Variants in PTPRT observed in about 807,000 individuals in gnomAD.
The protein encoded by PTPRT is receptor-type tyrosine-protein phosphatase T.
PTPRT carries 56 observed loss-of-function variants against 176.8 expected under a neutral mutation model. The observed-to-expected ratio is 0.32, with a 90% CI of 0.26 to 0.40. The LOEUF (loss-of-function observed/expected upper bound fraction) is 0.40, where lower values mean the gene tolerates loss of function less well. Ranked by LOEUF, PTPRT falls within the 10% of genes least tolerant of loss-of-function variation. PTPRT has a pLI of 1.00. For missense variants in PTPRT, 1,540 were observed against 1,908.2 expected (o/e 0.81, Z 3.60); for synonymous variants, 783 against 739.0 (o/e 1.06, Z -0.96).
intron 1 of PTPRT, among the ~76,000 whole-genome samples, chr20:43,149,193 G>A (rs891821249): frequency 6.6e-6 from 1 of 152,108 alleles, no homozygotes; most frequent in Non-Finnish European, 1.5e-5. Flanking sequence ...CCTTTGTGAA[G>A]AAAATGATTT....
chr20:43,028,690 C>T (rs572394136), intron 1 of PTPRT, among the ~76,000 whole-genome samples: 2 of 152,234 alleles, frequency 1.3e-5, no homozygotes, highest in East Asian at 1.9e-4. Context: ...CCTGGGCATC[C>T]GATAGCCTAA....
At chr20:42,072,144 T>C (rs1235016944), downstream of PTPRT, among the ~76,000 whole-genome samples, 1 of 152,184 alleles carries the variant, frequency 6.6e-6, no homozygotes, top group Non-Finnish European at 1.5e-5. Flanking sequence ...CCTGCTATTA[T>C]CATGAGGAGC....
intron 1 of PTPRT, among the ~76,000 whole-genome samples, chr20:42,912,158 C>T (rs1031030445): frequency 6.6e-6 from 1 of 152,106 alleles, no homozygotes; most frequent in Admixed American, 6.6e-5. Context: ...TTGCAATTAA[C>T]ACTACTATCT....
intron 6 of PTPRT, among the ~76,000 whole-genome samples, chr20:42,732,509 T>C (rs1019256607): frequency 1.3e-5 from 2 of 152,206 alleles, no homozygotes; most frequent in African/African-American, 4.8e-5. Context: ...GGGGAAGCTG[T>C]AGAAGTCTTC....
chr20:42,107,053 T>C (rs1318259321), intron 23 of PTPRT, 132 bp from the exon 24 acceptor site: 6 of 1,172,024 alleles, frequency 5.1e-6, no homozygotes, highest in South Asian at 1.7e-5. Flanking sequence ...ACATTTCCTT[T>C]CTTAATATGT....
rs867981860 is a variant in PTPRT at position 42,580,624 on chromosome 20, T to C, written c.1153+97242A>G. ...CTCCTTGAAGAGGTCCTTCACATCC[T>C]TTGTAAGTTGGATTCCTAGGTATTT... On this transcript the variant is annotated intron_variant, in intron 7 of 30. Transcript: ENST00000373187. Among the ~76,000 whole-genome samples, 1,404 of 151,704 alleles carry C rather than the reference T, an allele frequency of 9.3e-3. 14 individuals are homozygous for C. Among genetic ancestry groups the C allele is most frequent in the Middle Eastern group, 0.024 (7 of 294 alleles).
rs879318852 is a variant in PTPRT at position 42,073,304 on chromosome 20, A to G, written c.*7575T>C. 1.1e-5 allele frequency: 2 copies of G among 188,622 alleles called. No individual in the cohort carries two copies. Among genetic ancestry groups the G allele is most frequent in the African/African-American group, 2.3e-5 (1 of 42,846 alleles). The allele number at this position is 188,622 out of a possible 1,614,324, so 11.7% of individuals were successfully genotyped here. A position where few individuals can be genotyped will look rare whatever the true frequency, so the allele number is the denominator to read the frequency against. On this transcript the variant is annotated 3_prime_UTR_variant, in exon 31 of 31. Coordinates refer to ENST00000373187, the MANE Select transcript of PTPRT (RefSeq NM_007050.6). ...TGTAGGGTGAAAAGTGCTTTTGAGTATGATTACCAATATGGGTTAACCCGG... is the reference window on the plus strand; with the variant it reads ...TGTAGGGTGAAAAGTGCTTTTGAGTGTGATTACCAATATGGGTTAACCCGG...
intron 5 of PTPRT, among the ~76,000 whole-genome samples, chr20:42,766,394 C>T (rs1468343127): frequency 1.3e-5 from 2 of 152,204 alleles, no homozygotes; most frequent in East Asian, 3.9e-4. Context: ...TTCTATCATC[C>T]TTTTCCCTGA....
intron 9 of PTPRT, among the ~76,000 whole-genome samples, chr20:42,390,977 C>A (rs1303074531): frequency 6.6e-6 from 1 of 152,058 alleles, no homozygotes; most frequent in Non-Finnish European, 1.5e-5. Context: ...TTATAACTGA[C>A]CCTGACCAAG....
chr20:42,955,197 T>A (rs535398123), intron 1 of PTPRT, among the ~76,000 whole-genome samples: 1 of 152,300 alleles, frequency 6.6e-6, no homozygotes, highest in African/African-American at 2.4e-5. Context: ...TCTACAAGCT[T>A]ATCTGTATTA....
At chr20:42,452,623 G>A (rs1300593101) in intron 8 of PTPRT, among the ~76,000 whole-genome samples, 3 of 152,020 alleles carry the variant, frequency 2.0e-5, no homozygotes, top group East Asian at 1.9e-4. Flanking sequence ...TCTATCTGAC[G>A]GAAATTGAGG....
At chr20:42,173,693 G>C (rs1833325264) in intron 16 of PTPRT, among the ~76,000 whole-genome samples, 1 of 152,154 alleles carries the variant, frequency 6.6e-6, no homozygotes, top group Non-Finnish European at 1.5e-5. Context: ...ATCAAACTAG[G>C]AAGTGAGGGA....
intron 13 of PTPRT, among the ~76,000 whole-genome samples, chr20:42,273,618 T>C (rs1210790270): frequency 6.6e-6 from 1 of 152,246 alleles, no homozygotes; most frequent in East Asian, 1.9e-4. Context: ...AATCTAAAGA[T>C]GATGTTTTTA....
chr20:42,298,648 C>T (rs551341903), intron 12 of PTPRT, among the ~76,000 whole-genome samples: 4 of 152,256 alleles, frequency 2.6e-5, no homozygotes, highest in African/African-American at 9.6e-5. Context: ...CTGTGCCGGG[C>T]GCGGTGGCTC....
chr20:42,354,432 G>A (rs1042700425), intron 9 of PTPRT, among the ~76,000 whole-genome samples: 8 of 152,064 alleles, frequency 5.3e-5, no homozygotes, highest in South Asian at 2.1e-4. Context: ...TGCAGACACC[G>A]TACTAGGCAG....
chr20:42,699,812 C>A (rs563597587), intron 6 of PTPRT, among the ~76,000 whole-genome samples: 1 of 152,114 alleles, frequency 6.6e-6, no homozygotes, highest in African/African-American at 2.4e-5. Context: ...AATTCTGAAT[C>A]GACAAAATTT....
chr20:42,919,655 A>G (rs1485464009), intron 1 of PTPRT, among the ~76,000 whole-genome samples: 2 of 152,348 alleles, frequency 1.3e-5, no homozygotes, highest in East Asian at 3.9e-4. Flanking sequence ...CCCACTACCA[A>G]AAAGAAAAAT....
chr20:42,427,510 G>A (rs758578347), intron 9 of PTPRT, among the ~76,000 whole-genome samples: 1 of 89,782 alleles, frequency 1.1e-5, no homozygotes. Flanking sequence ...CATCGATGGC[G>A]CCTTCTAGCT....
chr20:42,443,525 G>A (rs929273159), intron 9 of PTPRT, among the ~76,000 whole-genome samples: 1 of 152,236 alleles, frequency 6.6e-6, no homozygotes, highest in African/African-American at 2.4e-5. Flanking sequence ...TGAGGCCATG[G>A]TCTAATTCAT....
Sources: allele counts gnomAD v4.1 joint callset (sites outside exome capture counted in the v4.1 genomes callset), GRCh38; gene constraint gnomAD v4.1.1; transcripts MANE v1.5; gene names NCBI Gene and HGNC (gene_info 2026-07-23, HGNC 2026-07-21).